The following ICA1L variants were observed in gnomAD, a reference collection of about 807,000 sequenced individuals.
ICA1L encodes islet cell autoantigen 1 like, also known as islet cell autoantigen 1-like protein.
Under a neutral mutation model 61.3 loss-of-function variants are expected in ICA1L, and 50 were observed. That is an observed-to-expected ratio of 0.82 (90% CI 0.65 to 1.03). ICA1L has a LOEUF of 1.03. Ranked by LOEUF, ICA1L falls within the 50% of genes least tolerant of loss-of-function variation. ICA1L has a pLI of 0.00. For missense variants in ICA1L, 508 were observed against 556.7 expected (o/e 0.91, Z 0.88); for synonymous variants, 161 against 191.3 (o/e 0.84, Z 1.31).
chr2:202,814,381 C>G (rs1045468576), intron 8 of ICA1L, among the ~76,000 whole-genome samples: 3 of 152,142 alleles, frequency 2.0e-5, no homozygotes, highest in Non-Finnish European at 2.9e-5. Context: ...TTTGCCTCTT[C>G]ACACAGGTCT....
At chr2:202,851,429 G>A (rs1694617344) in intron 1 of ICA1L, among the ~76,000 whole-genome samples, 1 of 152,112 alleles carries the variant, frequency 6.6e-6, no homozygotes, top group Admixed American at 6.5e-5. Flanking sequence ...CATTTGGGTT[G>A]GTTCTAAGTC....
chr2:202,841,368 T>C, intron 1 of ICA1L: 1 of 866,660 alleles, frequency 1.2e-6, no homozygotes, highest in Non-Finnish European at 2.0e-6. Context: ...CTCGAACATG[T>C]TGTCCGTGTT....
intron 1 of ICA1L, among the ~76,000 whole-genome samples, chr2:202,832,118 GAC>G (rs1274858895): frequency 6.6e-6 from 1 of 152,224 alleles, no homozygotes; most frequent in African/African-American, 2.4e-5. Flanking sequence ...CTCCAGAGGA[GAC>G]AGTTTGGAGT....
At chr2:202,784,072 A>G (rs1255457441) in intron 12 of ICA1L, among the ~76,000 whole-genome samples, 1 of 152,236 alleles carries the variant, frequency 6.6e-6, no homozygotes, top group Non-Finnish European at 1.5e-5. Flanking sequence ...TTCAGAAGTC[A>G]GCCTGAAAGG....
chr2:202,833,674 T>C (rs919056490), intron 1 of ICA1L, among the ~76,000 whole-genome samples: 1 of 152,216 alleles, frequency 6.6e-6, no homozygotes, highest in Admixed American at 6.5e-5. Context: ...TGATCAGATC[T>C]GGAGACTTTC....
chr2:202,783,184 A>G (rs749916343), intron 12 of ICA1L, among the ~76,000 whole-genome samples: 3 of 152,250 alleles, frequency 2.0e-5, no homozygotes, highest in Non-Finnish European at 2.9e-5. Flanking sequence ...GGCAACAACT[A>G]CAGTAATAAA....
chr2:202,780,474 T>C (rs1021991486), intron 12 of ICA1L, among the ~76,000 whole-genome samples: 1 of 152,174 alleles, frequency 6.6e-6, no homozygotes, highest in African/African-American at 2.4e-5. Flanking sequence ...ATATTTGGGC[T>C]GAGGGTTGGG....
chr2:202,779,412 AG>A lies in ICA1L; in HGVS notation c.*120del, dbSNP rs1692323922. On this transcript the variant is annotated 3_prime_UTR_variant, in exon 13 of 13. Transcript: ENST00000358299. ...TACCATCTGTCTAAAGTTGGCTGAC[AG>A]GTGTTATATTCACAAACACCGTGCT... is the stretch of plus-strand genomic sequence containing the variant. 1.7e-6 allele frequency: 1 copy of A among 574,968 alleles called. No individual in the cohort carries two copies. Among genetic ancestry groups the A allele is most frequent in the African/African-American group, 1.9e-5 (1 of 53,264 alleles). The allele number at this position is 574,968 out of a possible 1,614,324, so 35.6% of individuals were successfully genotyped here. A position where few individuals can be genotyped will look rare whatever the true frequency, so the allele number is the denominator to read the frequency against.
chr2:202,835,267 G>T (rs1265042816), intron 1 of ICA1L, among the ~76,000 whole-genome samples: 6 of 136,406 alleles, frequency 4.4e-5, no homozygotes, highest in African/African-American at 1.7e-4. Context: ...TGCCTAGGCT[G>T]GAGTGCAGTG....
intron 1 of ICA1L, among the ~76,000 whole-genome samples, chr2:202,855,806 T>C (rs1290053578): frequency 6.6e-6 from 1 of 152,048 alleles, no homozygotes; most frequent in Non-Finnish European, 1.5e-5. Flanking sequence ...CTGGGCGCGG[T>C]GGCTCACCCC....
chr2:202,823,398 CCCTT>C (rs1693751077), intron 3 of ICA1L, among the ~76,000 whole-genome samples: 1 of 152,142 alleles, frequency 6.6e-6, no homozygotes, highest in Non-Finnish European at 1.5e-5. Flanking sequence ...ATATGTGTTT[CCCTT>C]CCTTATTCTG....
chr2:202,848,178 G>A (rs1192751269), intron 1 of ICA1L, among the ~76,000 whole-genome samples: 1 of 152,108 alleles, frequency 6.6e-6, no homozygotes, highest in Non-Finnish European at 1.5e-5. Flanking sequence ...GGGCAGGCTG[G>A]TCTCGAACTC....
At chr2:202,787,438 C>A (rs1466762235) in intron 11 of ICA1L, among the ~76,000 whole-genome samples, 1 of 152,202 alleles carries the variant, frequency 6.6e-6, no homozygotes, top group Non-Finnish European at 1.5e-5. Flanking sequence ...TGGTATGCCA[C>A]ACAAGAATAA....
intron 3 of ICA1L, among the ~76,000 whole-genome samples, chr2:202,824,519 G>T (rs1693782106): frequency 6.6e-6 from 1 of 152,024 alleles, no homozygotes; most frequent in Non-Finnish European, 1.5e-5. Context: ...AGGGAAAGGG[G>T]TATTGTATTG....
At chr2:202,793,808 G>A (rs1482196170) in intron 10 of ICA1L, among the ~76,000 whole-genome samples, 11 of 151,778 alleles carry the variant, frequency 7.2e-5, no homozygotes, top group Admixed American at 7.2e-4. Flanking sequence ...CCAACATGGT[G>A]AAACCCCATC....
intron 2 of ICA1L, 72 bp from the exon 3 acceptor site, chr2:202,825,839 CA>C (rs1693829362): frequency 3.6e-6 from 3 of 844,016 alleles, no homozygotes; most frequent in Non-Finnish European, 5.3e-6. Context: ...ACCCCAAAAG[CA>C]TAACATTTTC....
chr2:202,774,280 C>G lies in ICA1L; in HGVS notation c.*5253G>C. 2.6e-6 allele frequency: 4 copies of G among 1,539,982 alleles called. No homozygotes were observed. In the South Asian group the frequency reaches 4.8e-5, roughly 18 times the overall value. On this transcript the variant is annotated 3_prime_UTR_variant, in exon 13 of 13. Coordinates refer to ENST00000358299, the MANE Select transcript of ICA1L (RefSeq NM_001288622.3). Reference sequence around the variant, plus strand: ...CCAAAGGCCGTGACCCCGACGCGTGCAGGCACCTACGGGCGACCGCGGACG... The same window carrying G: ...CCAAAGGCCGTGACCCCGACGCGTGGAGGCACCTACGGGCGACCGCGGACG...
At chr2:202,819,644 T>C in intron 5 of ICA1L, 57 bp downstream of exon 5, 1 of 1,234,588 alleles carries the variant, frequency 8.1e-7, no homozygotes. Flanking sequence ...TCTTAATTAT[T>C]CTGTGGCAGT....
chr2:202,841,116 T>C (rs540039155), intron 1 of ICA1L: 123 of 638,714 alleles, frequency 1.9e-4, no homozygotes, highest in Non-Finnish European at 2.9e-4. Flanking sequence ...CCCGAGGAGG[T>C]TGATCTCTTC....
Sources: gnomAD v4.1 joint callset for allele counts (sites outside exome capture counted in the v4.1 genomes callset) on GRCh38, gnomAD v4.1.1 for gene constraint, MANE v1.5 for transcripts, NCBI Gene and HGNC (gene_info 2026-07-23, HGNC 2026-07-21) for gene names.